The following GRM5 variants were observed in gnomAD, a reference collection of about 807,000 sequenced individuals.
GRM5 encodes glutamate metabotropic receptor 5.
In GRM5, 19 loss-of-function variants were observed where a neutral mutation model predicts 83.1. The observed-to-expected ratio is 0.23, with a 90% confidence interval of 0.16 to 0.34. The LOEUF is 0.34. GRM5 is among the 10% of genes least tolerant of loss of function. The pLI is 1.00. For synonymous variants in GRM5, 675 were observed against 633.6 expected, an observed-to-expected ratio of 1.07 and a Z score of -0.98; for missense variants, 1,160 against 1,588.3, an observed-to-expected ratio of 0.73 and a Z score of 4.58.
intron 3 of GRM5, among the ~76,000 whole-genome samples, chr11:88,786,928 A>G (rs905662766): frequency 6.6e-6 from 1 of 152,140 alleles, no homozygotes; most frequent in Admixed American, 6.6e-5. Context: ...GAATGATTTA[A>G]AACTGAAATA....
intron 2 of GRM5, among the ~76,000 whole-genome samples, chr11:89,007,524 A>G (rs1014154081): frequency 3.3e-5 from 5 of 152,234 alleles, no homozygotes; most frequent in Non-Finnish European, 7.3e-5. Flanking sequence ...TTATAAATAG[A>G]GCATAGATGC....
At chr11:88,623,277 T>G (rs1591389620) in intron 4 of GRM5, among the ~76,000 whole-genome samples, 1 of 151,416 alleles carries the variant, frequency 6.6e-6, no homozygotes, top group East Asian at 1.9e-4. Context: ...AGTATTTTTT[T>G]GTATTTTTGT....
intron 2 of GRM5, among the ~76,000 whole-genome samples, chr11:88,928,446 ATG>A (rs5793360): frequency 2.1e-5 from 3 of 144,698 alleles, no homozygotes; most frequent in African/African-American, 5.1e-5. Context: ...AATCTATCAT[ATG>A]TGTGTGTGTG....
chr11:88,723,365 A>T (rs1004555625), intron 3 of GRM5, among the ~76,000 whole-genome samples: 1 of 152,100 alleles, frequency 6.6e-6, no homozygotes, highest in Non-Finnish European at 1.5e-5. Context: ...TTGTGTGGGC[A>T]TAAGTTTTCA....
At chr11:88,606,800 A>G (rs1002444756) in intron 4 of GRM5, among the ~76,000 whole-genome samples, 19 of 152,002 alleles carry the variant, frequency 1.2e-4, no homozygotes, top group Admixed American at 1.1e-3. Context: ...AGTGAAATCT[A>G]TTTCCAGGCC....
chr11:88,561,030 G>T (rs1270338145), intron 8 of GRM5, among the ~76,000 whole-genome samples: 1 of 152,116 alleles, frequency 6.6e-6, no homozygotes, highest in African/African-American at 2.4e-5. Flanking sequence ...AGTAGGATCT[G>T]GAGAGATAGA....
At chr11:88,825,990 A>G (rs908801053) in intron 3 of GRM5, among the ~76,000 whole-genome samples, 2 of 152,196 alleles carry the variant, frequency 1.3e-5, no homozygotes, top group Admixed American at 6.5e-5. Context: ...GTTATGTAGG[A>G]AGAAGTAATT....
intron 3 of GRM5, among the ~76,000 whole-genome samples, chr11:88,730,254 C>T (rs1017677084): frequency 6.6e-6 from 1 of 152,102 alleles, no homozygotes; most frequent in Non-Finnish European, 1.5e-5. Flanking sequence ...ATTTATGCGG[C>T]CAACAAACAT....
chr11:88,683,120 C>T (rs1193507879), intron 3 of GRM5, among the ~76,000 whole-genome samples: 3 of 152,140 alleles, frequency 2.0e-5, no homozygotes, highest in Non-Finnish European at 2.9e-5. Flanking sequence ...TTTCCAGGCA[C>T]TTTTCCTTCT....
intron 3 of GRM5, among the ~76,000 whole-genome samples, chr11:88,798,214 C>G (rs1467415425): frequency 6.6e-6 from 1 of 152,138 alleles, no homozygotes; most frequent in Non-Finnish European, 1.5e-5. Flanking sequence ...TGATTTCAAT[C>G]AATGTTATCA....
intron 2 of GRM5, among the ~76,000 whole-genome samples, chr11:89,032,023 T>A (rs1270260224): frequency 6.6e-6 from 1 of 152,096 alleles, no homozygotes; most frequent in Non-Finnish European, 1.5e-5. Context: ...AAATATTGCA[T>A]ACATATTTTT....
intron 3 of GRM5, among the ~76,000 whole-genome samples, chr11:88,667,680 T>A (rs954780430): frequency 7.9e-5 from 12 of 151,948 alleles, no homozygotes; most frequent in African/African-American, 2.9e-4. Flanking sequence ...GATCACAAGG[T>A]CAGGAGTTCA....
rs1038004780 is a variant in GRM5, at chr11:88,685,585, G to T, written c.912-32182C>A. On this transcript the variant is annotated intron_variant, in intron 3 of 9. Coordinates refer to ENST00000305447, the MANE Select transcript of GRM5 (RefSeq NM_001143831.3). ...GGCATGTCAGAGATCTTCATGGCAG[G>T]CCCTCCCATCACAGGCCCAGGAGGC... is the stretch of plus-strand genomic sequence containing the variant. Among the ~76,000 whole-genome samples the T allele has an allele frequency of 3.9e-5, 6 of 152,288 alleles. No individual in the cohort carries two copies. The East Asian group carries it at 1.2e-3, about 30-fold the overall frequency.
chr11:88,783,750 TCTTA>T (rs1181793215), intron 3 of GRM5, among the ~76,000 whole-genome samples: 3 of 152,042 alleles, frequency 2.0e-5, no homozygotes, highest in Non-Finnish European at 4.4e-5. Context: ...CACTTCTGTG[TCTTA>T]CTTTTTTGTA....
chr11:88,741,308 T>C (rs1029786596), intron 3 of GRM5, among the ~76,000 whole-genome samples: 1 of 152,022 alleles, frequency 6.6e-6, no homozygotes, highest in Non-Finnish European at 1.5e-5. Context: ...GAATGAAATA[T>C]TGCAACTTGG....
intron 2 of GRM5, among the ~76,000 whole-genome samples, chr11:89,024,582 C>A (rs566394129): frequency 1.3e-5 from 2 of 152,270 alleles, no homozygotes; most frequent in South Asian, 4.1e-4. Context: ...TATCTTATCA[C>A]CTCTTTAGCT....
rs183025839 is a variant in GRM5, at chr11:88,740,705, A to G, written c.912-87302T>C. ...AATCTAATAAGGCTTCGTGAGACTC[A>G]GGAGTAGTTTTTCTCTCTCTCATCA... On this transcript the variant is annotated intron_variant, in intron 3 of 9. Transcript: ENST00000305447. 3.1e-3 allele frequency among the ~76,000 whole-genome samples: 475 copies of G among 152,184 alleles called. 8 individuals are homozygous for G. Among genetic ancestry groups the G allele is most frequent in the Admixed American group, 0.029 (438 of 15,258 alleles).
At chr11:88,579,584 C>G (rs901836469) in intron 7 of GRM5, among the ~76,000 whole-genome samples, 2 of 152,114 alleles carry the variant, frequency 1.3e-5, no homozygotes, top group African/African-American at 4.8e-5. Flanking sequence ...TGCAGTAAAG[C>G]CTTCCAGGCA....
intron 1 of GRM5, among the ~76,000 whole-genome samples, chr11:89,053,623 C>CA (rs1941807973): frequency 6.7e-6 from 1 of 148,530 alleles, no homozygotes; most frequent in Non-Finnish European, 1.5e-5. Context: ...GTTTGCGAGA[C>CA]AAGAAACAAA....
Sources: allele counts gnomAD v4.1 joint callset (sites outside exome capture counted in the v4.1 genomes callset), GRCh38; gene constraint gnomAD v4.1.1; transcripts MANE v1.5; gene names NCBI Gene and HGNC (gene_info 2026-07-23, HGNC 2026-07-21).